BTN2A1: variants seen among roughly 807,000 people sequenced by gnomAD.
The protein encoded by BTN2A1 is butyrophilin, subfamily 2, member A1.
BTN2A1 carries 41 observed loss-of-function variants against 34.5 expected under a neutral mutation model. The ratio of observed to expected loss-of-function variants is 1.19; its 90% CI spans 0.93 to 1.54. The LOEUF is 1.54. BTN2A1 is among the 40% of genes most tolerant of loss of function. BTN2A1 has a pLI of 0.00. For missense variants in BTN2A1, 642 were observed against 662.0 expected (o/e 0.97, Z 0.33); for synonymous variants, 267 against 258.6 (o/e 1.03, Z -0.31).
At chr6:26,470,422 G>A (rs1190068459), downstream of BTN2A1, among the ~76,000 whole-genome samples, 1 of 141,680 alleles carries the variant, frequency 7.1e-6, no homozygotes, top group Non-Finnish European at 1.5e-5. Flanking sequence ...CCATATTTGA[G>A]AGTTGGGATA....
At position 26,459,679 on chromosome 6, in the gene BTN2A1, G is replaced by A. The variant is rs1041494048; in HGVS notation, c.281G>A (p.Gly94Glu). 5 of 1,613,998 alleles carry A rather than the reference G, an allele frequency of 3.1e-6. No homozygotes were observed. The highest frequency in any genetic ancestry group is 4.2e-6 in the Non-Finnish European group (5 of 1,180,032). The change falls in exon 3 of 8, where the codon GGA (glycine) becomes GAA (glutamate). Residue 94 changes from glycine to glutamate, a missense_variant. Transcript: ENST00000312541. ...GAGGAGCAGATGGAGGAGTACCGAG[G>A]AAGAACCACCTTTGTGAGCAAAGAC... ...RTEEQMEEYR[G>E]RTTFVSKDIS...
chr6:26,465,767 T>C lies in BTN2A1; in HGVS notation c.935-186T>C, dbSNP rs867669630. On this transcript the variant is annotated intron_variant, in intron 5 of 7. Coordinates refer to ENST00000312541, the MANE Select transcript of BTN2A1 (RefSeq NM_007049.5). ...CTAAATGGTTGAGCAAAAGCAAGTGTAACAATGTGCTGGTACTACCCAGCC... is the reference window on the plus strand; with the variant it reads ...CTAAATGGTTGAGCAAAAGCAAGTGCAACAATGTGCTGGTACTACCCAGCC... The C allele has an allele frequency of 4.1e-6, 4 of 964,456 alleles. No individual in the cohort carries two copies. The African/African-American group carries it at 7.1e-5, about 17-fold the overall frequency. The allele number at this position is 964,456 out of a possible 1,614,324, so 59.7% of individuals were successfully genotyped here. A position where few individuals can be genotyped will look rare whatever the true frequency, so the allele number is the denominator to read the frequency against.
At chr6:26,459,864 A>T in intron 3 of BTN2A1, 36 bp downstream of exon 3, 1 of 1,574,042 alleles carries the variant, frequency 6.4e-7, no homozygotes, top group African/African-American at 1.4e-5. Flanking sequence ...ACTTTGGCAC[A>T]GTGTGACTTT....
In BTN2A1 at chr6:26,463,482, C is replaced by A. The variant is rs1291796902; in HGVS notation, c.669C>A (p.Asn223Lys). Residue 223 changes from asparagine (N) to lysine (K), a missense_variant, in exon 4 of 8, where the codon AAC becomes AAA. By Grantham distance (94) the Asn-to-Lys change is moderately conservative. Transcript: ENST00000312541. ...SVRNMSCSIN[N>K]TLLGQKKESV... ...GGAACATGTCCTGCTCTATCAACAA[C>A]ACCCTGCTCGGCCAGAAGAAAGAAA... is the stretch of plus-strand genomic sequence containing the variant. 3 of 1,614,124 alleles carry A rather than the reference C, an allele frequency of 1.9e-6. No individual in the cohort carries two copies. Among genetic ancestry groups the A allele is most frequent in the Non-Finnish European group, 2.5e-6 (3 of 1,179,970 alleles).
At chr6:26,476,502 T>A (rs1763540106) in exon 8 of BTN2A1, 1 of 403,632 alleles carries the variant, frequency 2.5e-6, no homozygotes, top group Non-Finnish European at 4.7e-6. Context: ...TCAATAAATA[T>A]AAAGTATAAA....
At chr6:26,475,556 G>A (rs13437351) in intron 7 of BTN2A1, among the ~76,000 whole-genome samples, 19,837 of 152,048 alleles carry the variant, frequency 0.13, 3,455 homozygotes, top group African/African-American at 0.4. Context: ...ATTTTGTTTT[G>A]TTTTGTGAAT....
chr6:26,463,472 C>CT lies in BTN2A1; in HGVS notation c.660dup (p.Ile221TyrfsTer66), dbSNP rs757153020. 1.5e-5 allele frequency: 25 copies of CT among 1,614,054 alleles called. No individual in the cohort carries two copies. The highest frequency in any genetic ancestry group is 2.0e-5 in the Non-Finnish European group (24 of 1,180,024). On this transcript the variant is annotated frameshift_variant, in exon 4 of 8. Transcript: ENST00000312541. LOFTEE classifies it high-confidence loss of function. ...AAGTCTGTGAGGAACATGTCCTGCT[C>CT]TATCAACAACACCCTGCTCGGCCAG...
At position 26,467,951 on chromosome 6, in the gene BTN2A1, A is replaced by G. The variant is rs144977203; in HGVS notation, c.986A>G (p.Asp329Gly). ...RWRRTFLHAVDVVLDPDTAHP... is the reference protein window; with the variant it reads ...RWRRTFLHAVGVVLDPDTAHP... ...AAACCTGAGACTTCCTCTGCAGTTG[A>G]TGTGGTCCTGGATCCAGACACCGCT... Residue 329 changes from aspartate (D) to glycine (G), a missense_variant, in exon 8 of 8, where the codon GAT (aspartate) becomes GGT (glycine). Coordinates refer to ENST00000312541, the MANE Select transcript of BTN2A1 (RefSeq NM_007049.5). 2.5e-6 allele frequency: 4 copies of G among 1,611,130 alleles called. No homozygotes were observed. Among genetic ancestry groups the G allele is most frequent in the African/African-American group, 1.3e-5 (1 of 74,804 alleles).
exon 8 of BTN2A1, chr6:26,476,459 G>GTC: frequency 4.8e-6 from 3 of 621,670 alleles, no homozygotes; most frequent in Middle Eastern, 2.9e-4. Context: ...TTTCAGATAG[G>GTC]TCTCTCTCTC....
chr6:26,473,273 T>C (rs1360983383), downstream of BTN2A1, among the ~76,000 whole-genome samples: 1 of 152,184 alleles, frequency 6.6e-6, no homozygotes, highest in African/African-American at 2.4e-5. Flanking sequence ...CCCCACAGTC[T>C]ACCCAAAGGT....
Position 26,463,354 on chromosome 6 carries a change from C to T in BTN2A1, c.541C>T (p.Pro181Ser). 6.2e-7 allele frequency: 1 copy of T among 1,613,932 alleles called. No individual in the cohort carries two copies. The highest frequency in any genetic ancestry group is 8.5e-7 in the Non-Finnish European group (1 of 1,179,982). The change falls in exon 4 of 8, where the codon CCC (proline) becomes TCC (serine). Residue 181 changes from proline (P) to serine (S), a missense_variant. Coordinates refer to ENST00000312541, the MANE Select transcript of BTN2A1 (RefSeq NM_007049.5). ...YPKPLTVWRD[P>S]YGGVAPALKE... Reference sequence around the variant, plus strand: ...AAAGCCCCTCACAGTGTGGAGGGACCCCTACGGTGGGGTTGCGCCTGCCCT... The same window carrying T: ...AAAGCCCCTCACAGTGTGGAGGGACTCCTACGGTGGGGTTGCGCCTGCCCT...
chr6:26,462,818 A>G (rs1373192846), intron 3 of BTN2A1: 2 of 1,284,788 alleles, frequency 1.6e-6, no homozygotes, highest in African/African-American at 1.5e-5. Flanking sequence ...GCTGAGGTCT[A>G]CTGAGAAGTC....
intron 4 of BTN2A1, among the ~76,000 whole-genome samples, chr6:26,464,695 A>G (rs1347404223): frequency 6.6e-6 from 1 of 152,230 alleles, no homozygotes; most frequent in Non-Finnish European, 1.5e-5. Flanking sequence ...AGATGAATTC[A>G]CAGAGGCAAT....
At chr6:26,463,155 A>C in intron 3 of BTN2A1, 89 bp from the exon 4 acceptor site, 1 of 1,402,018 alleles carries the variant, frequency 7.1e-7, no homozygotes, top group South Asian at 1.5e-5. Flanking sequence ...TTTTACCTTT[A>C]CTTTCTAGCT....
At chr6:26,458,797 A>G in intron 2 of BTN2A1, 79 bp downstream of exon 2, 3 of 1,537,500 alleles carry the variant, frequency 2.0e-6, no homozygotes, top group Non-Finnish European at 2.7e-6. Flanking sequence ...GAAAGAAAGA[A>G]GGACTGTGGA....
At chr6:26,474,514 G>C (rs10484441), downstream of BTN2A1, among the ~76,000 whole-genome samples, 13,706 of 152,184 alleles carry the variant, frequency 0.09, 751 homozygotes, top group Admixed American at 0.13. Flanking sequence ...TTTCAGATAG[G>C]AATATTAAGG....
At chr6:26,461,091 C>A (rs1466026973) in intron 3 of BTN2A1, among the ~76,000 whole-genome samples, 1 of 152,182 alleles carries the variant, frequency 6.6e-6, no homozygotes, top group Non-Finnish European at 1.5e-5. Context: ...TTGCTACACA[C>A]AAAGGCAACC....
At position 26,468,080 on chromosome 6, in the gene BTN2A1, A is replaced by G. The variant is rs200691973; in HGVS notation, c.1115A>G (p.Gln372Arg). 2.9e-5 allele frequency: 47 copies of G among 1,614,092 alleles called. No individual in the cohort carries two copies. The Middle Eastern group carries it at 4.9e-4, about 17-fold the overall frequency. Residue 372 changes from glutamine (Q) to arginine (R), a missense_variant, in exon 8 of 8, where the codon CAG (glutamine) becomes CGG (arginine). Coordinates refer to ENST00000312541, the MANE Select transcript of BTN2A1 (RefSeq NM_007049.5). ...GACAACCCAGAGAGATTCGACAGTC[A>G]GCCTTGTGTCCTAGGCCGGGAGAGC... ...VPDNPERFDS[Q>R]PCVLGRESFA...
chr6:26,469,327 G>T lies in BTN2A1; in HGVS notation c.*778G>T. On this transcript the variant is annotated 3_prime_UTR_variant, in exon 8 of 8. Coordinates refer to ENST00000312541, the MANE Select transcript of BTN2A1 (RefSeq NM_007049.5). ...TACCTCAGTATTCAAGTTCAGTGGG[G>T]ACACCAGTGGCTTCAAACTTCCTGG... The T allele has an allele frequency of 1.2e-5, 12 of 986,632 alleles. No homozygotes were observed. The highest frequency in any genetic ancestry group is 1.4e-5 in the Non-Finnish European group (12 of 830,796). The allele number at this position is 986,632 out of a possible 1,614,324, so 61.1% of individuals were successfully genotyped here.
Sources: gnomAD v4.1 joint callset for allele counts (sites outside exome capture counted in the v4.1 genomes callset) on GRCh38, gnomAD v4.1.1 for gene constraint, MANE v1.5 for transcripts, NCBI Gene and HGNC (gene_info 2026-07-23, HGNC 2026-07-21) for gene names.